The following NPL variants were observed in gnomAD, a reference collection of about 807,000 sequenced individuals.
The protein encoded by NPL is N-acetylneuraminate pyruvate lyase, also known as N-acetylneuraminate lyase.
NPL carries 32 observed loss-of-function variants against 41.1 expected under a neutral mutation model. The observed-to-expected ratio is 0.78, with a 90% CI of 0.59 to 1.05. The LOEUF is 1.05. Ranked by LOEUF, NPL falls within the 50% of genes least tolerant of loss-of-function variation. The pLI is 0.00. For missense variants in NPL, 321 were observed against 378.4 expected (o/e 0.85, Z 1.26); for synonymous variants, 128 against 134.9 (o/e 0.95, Z 0.35).
chr1:182,811,068 G>A (rs1667162908), intron 5 of NPL, among the ~76,000 whole-genome samples: 2 of 148,554 alleles, frequency 1.3e-5, no homozygotes, highest in South Asian at 4.2e-4. Context: ...TTTGATCTAA[G>A]TCAACAATTA....
At chr1:182,813,083 G>A (rs1278433907) in intron 6 of NPL, among the ~76,000 whole-genome samples, 1 of 151,422 alleles carries the variant, frequency 6.6e-6, no homozygotes, top group African/African-American at 2.4e-5. Context: ...AACCCAGGAG[G>A]CGGAGGTTGC....
chr1:182,815,353 A>G (rs1667293826), intron 7 of NPL, among the ~76,000 whole-genome samples: 1 of 152,194 alleles, frequency 6.6e-6, no homozygotes, highest in South Asian at 2.1e-4. Flanking sequence ...GAAACTATTT[A>G]TGGTGTCTAA....
At chr1:182,823,618 G>T (rs1054923437) in intron 11 of NPL, among the ~76,000 whole-genome samples, 1 of 152,176 alleles carries the variant, frequency 6.6e-6, no homozygotes, top group Non-Finnish European at 1.5e-5. Flanking sequence ...TCCTTGCATT[G>T]ATGGTTCTCT....
intron 12 of NPL, 137 bp downstream of exon 12, chr1:182,825,957 C>A (rs41313918): frequency 0.014 from 10,756 of 785,084 alleles, 151 homozygotes; most frequent in South Asian, 0.033. Flanking sequence ...CCCTTATTAA[C>A]CCTCGGGGCC....
intron 3 of NPL, among the ~76,000 whole-genome samples, chr1:182,797,057 T>C (rs1666693428): frequency 7.0e-6 from 1 of 141,862 alleles, no homozygotes; most frequent in Non-Finnish European, 1.5e-5. Context: ...AAAAAGCTCT[T>C]TCATATTCTC....
In NPL at chr1:182,829,375, T is replaced by G; in HGVS notation, c.*467T>G. The G allele has an allele frequency of 7.6e-7, 1 of 1,311,112 alleles. No homozygotes were observed. Among genetic ancestry groups the G allele is most frequent in the Non-Finnish European group, 9.7e-7 (1 of 1,028,394 alleles). 81.2% of individuals were successfully genotyped at this position (1,311,112 alleles called of 1,614,324 possible). On this transcript the variant is annotated 3_prime_UTR_variant, in exon 13 of 13. Transcript: ENST00000367553. ...CTTTAATACCAAACTGTAACATGTC[T>G]CAACTGTATACAACTCAAAATACAC... is the stretch of plus-strand genomic sequence containing the variant.
intron 5 of NPL, among the ~76,000 whole-genome samples, chr1:182,807,011 T>C (rs1436215702): frequency 6.6e-6 from 1 of 152,124 alleles, no homozygotes; most frequent in Non-Finnish European, 1.5e-5. Flanking sequence ...GCTAATTTTT[T>C]GTATTTTTAA....
intron 10 of NPL, among the ~76,000 whole-genome samples, chr1:182,819,600 G>A (rs1450436159): frequency 1.3e-5 from 2 of 151,518 alleles, no homozygotes; most frequent in Non-Finnish European, 2.9e-5. Flanking sequence ...GACAGAGTGA[G>A]ACTCCATCTC....
intron 6 of NPL, 132 bp from the exon 7 acceptor site, chr1:182,814,651 G>T: frequency 1.3e-6 from 1 of 770,596 alleles, no homozygotes; most frequent in Non-Finnish European, 2.2e-6. Flanking sequence ...ATTAAATTTG[G>T]TTAATTTTCC....
chr1:182,826,057 T>A, intron 12 of NPL: 1 of 588,722 alleles, frequency 1.7e-6, no homozygotes, highest in Non-Finnish European at 3.0e-6. Context: ...TTCCATTCTT[T>A]CTCTCCTAAA....
intron 10 of NPL, among the ~76,000 whole-genome samples, chr1:182,820,444 T>A (rs12239372): frequency 0.24 from 35,871 of 152,218 alleles, 7,461 homozygotes; most frequent in African/African-American, 0.56. Context: ...CATTGTAACT[T>A]CAGGGGTATT....
intron 4 of NPL, among the ~76,000 whole-genome samples, chr1:182,804,217 C>G (rs977945551): frequency 6.6e-6 from 1 of 152,196 alleles, no homozygotes; most frequent in Admixed American, 6.5e-5. Context: ...CAACCTCTAC[C>G]TCCCGGGTTC....
At chr1:182,810,723 TC>T (rs1284561709) in intron 5 of NPL, among the ~76,000 whole-genome samples, 1 of 152,124 alleles carries the variant, frequency 6.6e-6, no homozygotes, top group Non-Finnish European at 1.5e-5. Context: ...AAGTCTCTAT[TC>T]TTAAGGCTTA....
intron 11 of NPL, among the ~76,000 whole-genome samples, chr1:182,823,452 A>G (rs989968777): frequency 2.6e-5 from 4 of 152,228 alleles, no homozygotes; most frequent in African/African-American, 7.2e-5. Flanking sequence ...TAAAGTTTAA[A>G]TACCATATGT....
At chr1:182,800,251 C>T (rs1666799278) in intron 3 of NPL, among the ~76,000 whole-genome samples, 1 of 151,888 alleles carries the variant, frequency 6.6e-6, no homozygotes, top group South Asian at 2.1e-4. Context: ...GCCTGGGCAA[C>T]CTGGTAAAAC....
intron 6 of NPL, among the ~76,000 whole-genome samples, chr1:182,812,998 C>A (rs187760963): frequency 0.032 from 4,885 of 151,916 alleles, 106 homozygotes; most frequent in Admixed American, 0.052. Context: ...ACTAAAAATA[C>A]AAAAATTAGC....
rs1667705688 is a variant in NPL, at chr1:182,829,155, T to A, written c.*247T>A. 7.4e-7 allele frequency: 1 copy of A among 1,350,704 alleles called. No individual in the cohort carries two copies. The highest frequency in any genetic ancestry group is 9.5e-7 in the Non-Finnish European group (1 of 1,053,990). The allele number at this position is 1,350,704 out of a possible 1,614,324, so 83.7% of individuals were successfully genotyped here. ...TTTTGTGGAGAAATTTCTGTTTATATGGATGAAATGGAATCAAGAGGAAAA... is the reference window on the plus strand; with the variant it reads ...TTTTGTGGAGAAATTTCTGTTTATAAGGATGAAATGGAATCAAGAGGAAAA... On this transcript the variant is annotated 3_prime_UTR_variant, in exon 13 of 13. Coordinates refer to ENST00000367553, the MANE Select transcript of NPL (RefSeq NM_030769.3).
At position 182,818,425 on chromosome 1, in the gene NPL, GC is replaced by G. The variant is rs1258192495; in HGVS notation, c.458-115del. ...AGGGACCAGTGATTATGCCTAGTCT[GC>G]AGTCAGTTCTGGCTGACAGCAGCGT... On this transcript the variant is annotated intron_variant, in intron 8 of 12. Coordinates refer to ENST00000367553, the MANE Select transcript of NPL (RefSeq NM_030769.3). The G allele has an allele frequency of 1.8e-5, 24 of 1,300,086 alleles. No individual in the cohort carries two copies. In the Admixed American group the frequency reaches 3.5e-4, roughly 19 times the overall value. The allele number at this position is 1,300,086 out of a possible 1,614,324, so 80.5% of individuals were successfully genotyped here. A position where few individuals can be genotyped will look rare whatever the true frequency, so the allele number is the denominator to read the frequency against.
chr1:182,818,535 G>C lies in NPL; in HGVS notation c.458-6G>C. ...AGATTAATGAGGCACTTATTATTTT[G>C]AGCAGTTCGTGCTGAGGAGTTGTTG... On this transcript the variant is annotated splice_region_variant and splice_polypyrimidine_tract_variant and intron_variant, in intron 8 of 12. Coordinates refer to ENST00000367553, the MANE Select transcript of NPL (RefSeq NM_030769.3). 1 of 1,613,852 alleles carries C rather than the reference G, an allele frequency of 6.2e-7. No individual in the cohort carries two copies. Among genetic ancestry groups the C allele is most frequent in the Non-Finnish European group, 8.5e-7 (1 of 1,180,028 alleles).
Sources: allele counts gnomAD v4.1 joint callset (sites outside exome capture counted in the v4.1 genomes callset), GRCh38; gene constraint gnomAD v4.1.1; transcripts MANE v1.5; gene names NCBI Gene and HGNC (gene_info 2026-07-23, HGNC 2026-07-21).